PFKFB2: variants seen among roughly 807,000 people sequenced by gnomAD.
PFKFB2 encodes 6-phosphofructo-2-kinase/fructose-2,6-bisphosphatase 2.
A neutral mutation model predicts 68.0 loss-of-function variants in PFKFB2; 53 were observed. The observed-to-expected ratio is 0.78, with a 90% CI of 0.63 to 0.98. PFKFB2 has a LOEUF of 0.98. Among genes scored for constraint, PFKFB2 ranks in the 50% least tolerant of loss-of-function variants. The pLI, the probability that PFKFB2 is intolerant of heterozygous loss-of-function variation, is 0.00. For synonymous variants in PFKFB2, 222 were observed against 227.6 expected (o/e 0.98, Z 0.22); for missense variants, 451 against 642.0 (o/e 0.70, Z 3.22).
In PFKFB2 at chr1:207,063,714, T is replaced by C. The variant is rs1683188121; in HGVS notation, c.451-59T>C. ...CTGGGTGGGGTAGATGAGCATGTGC[T>C]CTTAATTAACAGCCTGGCATTTTTG... is the stretch of plus-strand genomic sequence containing the variant. On this transcript the variant is annotated intron_variant, in intron 6 of 14. Transcript: ENST00000367080. This position sits in a 1 kb window ranked among gnomAD's most constrained non-coding sequence, Gnocchi z 4.1. The C allele has an allele frequency of 7.1e-7, 1 of 1,402,058 alleles. No individual in the cohort carries two copies. Among genetic ancestry groups the C allele is most frequent in the African/African-American group, 1.4e-5 (1 of 70,902 alleles). 86.9% of individuals were successfully genotyped at this position (1,402,058 alleles called of 1,614,324 possible). A position where few individuals can be genotyped will look rare whatever the true frequency, so the allele number is the denominator to read the frequency against.
chr1:207,052,209 T>C (rs925669563), upstream of PFKFB2: 27 of 1,612,718 alleles, frequency 1.7e-5, no homozygotes, highest in Non-Finnish European at 2.1e-5. Flanking sequence ...ACTTTGCTTC[T>C]GAATAAATTA....
At chr1:207,042,392 C>T (rs564059836) in intron 2 of PFKFB2, among the ~76,000 whole-genome samples, 33 of 151,374 alleles carry the variant, frequency 2.2e-4, no homozygotes, top group Middle Eastern at 3.4e-3. Flanking sequence ...ACTAAAAATA[C>T]GAAAAATTAG....
Position 207,076,261 on chromosome 1 carries a change from T to C in PFKFB2, c.*3890T>C, listed in dbSNP as rs1683619977. 3.1e-6 allele frequency: 3 copies of C among 979,646 alleles called. No homozygotes were observed. The highest frequency in any genetic ancestry group is 2.4e-6 in the Non-Finnish European group (2 of 825,170). 60.7% of individuals were successfully genotyped at this position (979,646 alleles called of 1,614,324 possible). A position where few individuals can be genotyped will look rare whatever the true frequency, so the allele number is the denominator to read the frequency against. ...ATGTTACTTTTTTTTTCTTTTTTTT[T>C]TTTTTTTATGAGCAGGAGATCTTAA... On this transcript the variant is annotated 3_prime_UTR_variant, in exon 15 of 15. Coordinates refer to ENST00000367080, the MANE Select transcript of PFKFB2 (RefSeq NM_006212.2).
chr1:207,064,924 T>G, intron 7 of PFKFB2, 112 bp from the exon 8 acceptor site: 4 of 1,278,694 alleles, frequency 3.1e-6, no homozygotes, highest in Non-Finnish European at 4.3e-6. Context: ...AATGTTCCAG[T>G]GAAAGGCGAC....
At position 207,070,729 on chromosome 1, in the gene PFKFB2, G is replaced by A; in HGVS notation, c.1222+320G>A. On this transcript the variant is annotated intron_variant, in intron 12 of 14. Coordinates refer to ENST00000367080, the MANE Select transcript of PFKFB2 (RefSeq NM_006212.2). The surrounding 1 kb of genome is among the most constrained non-coding windows in gnomAD (Gnocchi z 4.2). ...TCCCAGCCTGCCACGCTGCCTACTA[G>A]GAGGGTGGTATCTTAGGAGCAGCAG... The A allele has an allele frequency of 3.1e-6, 1 of 317,716 alleles. No individual in the cohort carries two copies. The highest frequency in any genetic ancestry group is 6.0e-6 in the Non-Finnish European group (1 of 167,444). The allele number at this position is 317,716 out of a possible 1,614,324, so 19.7% of individuals were successfully genotyped here. A position where few individuals can be genotyped will look rare whatever the true frequency, so the allele number is the denominator to read the frequency against.
intron 2 of PFKFB2, chr1:207,045,267 AT>A (rs1291883926): frequency 2.0e-5 from 3 of 152,476 alleles, no homozygotes; most frequent in Non-Finnish European, 2.9e-5. Context: ...TTGTATAATA[AT>A]ACAAGATATT....
intron 1 of PFKFB2, among the ~76,000 whole-genome samples, chr1:207,041,379 C>T (rs1424476447): frequency 6.6e-6 from 1 of 152,068 alleles, no homozygotes; most frequent in African/African-American, 2.4e-5. Flanking sequence ...GCTATCCCTC[C>T]TCTTACACCC....
At position 207,074,382 on chromosome 1, in the gene PFKFB2, T is replaced by C. The variant is rs1683563147; in HGVS notation, c.*2011T>C. On this transcript the variant is annotated 3_prime_UTR_variant, in exon 15 of 15. Transcript: ENST00000367080. ...AGGTTCTAGTCCCATCTTTAACCCT[T>C]TACATTGCTGAGTGATGTGGAACAA... 2 of 985,248 alleles carry C rather than the reference T, an allele frequency of 2.0e-6. No homozygotes were observed. Among genetic ancestry groups the C allele is most frequent in the African/African-American group, 3.5e-5 (2 of 57,220 alleles). 61.0% of individuals were successfully genotyped at this position (985,248 alleles called of 1,614,324 possible).
chr1:207,056,249 A>G (rs1397141509), intron 2 of PFKFB2, among the ~76,000 whole-genome samples: 3 of 152,044 alleles, frequency 2.0e-5, no homozygotes, highest in South Asian at 4.2e-4. Flanking sequence ...TGAAATGTTT[A>G]TATTGAATCA....
chr1:207,069,650 G>A, intron 11 of PFKFB2, 122 bp downstream of exon 11: 1 of 639,502 alleles, frequency 1.6e-6, no homozygotes, highest in Non-Finnish European at 2.8e-6. Flanking sequence ...CCTTCCCTTG[G>A]GTCATTTTGG....
rs1410270613 is a variant in PFKFB2, at chr1:207,076,316, G to C, written c.*3945G>C. The C allele has an allele frequency of 3.1e-6, 3 of 983,590 alleles. No individual in the cohort carries two copies. The highest frequency in any genetic ancestry group is 3.5e-5 in the African/African-American group (2 of 56,884). 60.9% of individuals were successfully genotyped at this position (983,590 alleles called of 1,614,324 possible). On this transcript the variant is annotated 3_prime_UTR_variant, in exon 15 of 15. Transcript: ENST00000367080. ...CAGAAACTCATTGGTGGTTGGAGTG[G>C]CCAATGGGCACGGGAAAAAGTATCC...
At chr1:207,037,156 A>C (rs1339423684) in intron 1 of PFKFB2, among the ~76,000 whole-genome samples, 1 of 152,196 alleles carries the variant, frequency 6.6e-6, no homozygotes, top group Non-Finnish European at 1.5e-5. Flanking sequence ...AATGAACTCC[A>C]GTTTGCCAAA....
At chr1:207,035,254 A>G (rs1046217753) in intron 1 of PFKFB2, 1 of 964,314 alleles carries the variant, frequency 1.0e-6, no homozygotes, top group African/African-American at 1.8e-5. Flanking sequence ...CTTTCTCAGT[A>G]CAACCTCCCC....
Position 207,076,768 on chromosome 1 carries a change from A to G in PFKFB2, c.*4397A>G. On this transcript the variant is annotated 3_prime_UTR_variant, in exon 15 of 15. Transcript: ENST00000367080. ...GATCTGTTTGTCACTGACAGACTGT[A>G]GTAGTGTCTGTGTGCTGACTGATAG... 1 of 968,372 alleles carries G rather than the reference A, an allele frequency of 1.0e-6. No homozygotes were observed. The highest frequency in any genetic ancestry group is 1.9e-5 in the African/African-American group (1 of 53,834). 60.0% of individuals were successfully genotyped at this position (968,372 alleles called of 1,614,324 possible).
intron 1 of PFKFB2, among the ~76,000 whole-genome samples, chr1:207,041,959 C>T (rs768314198): frequency 6.6e-6 from 1 of 152,180 alleles, no homozygotes; most frequent in Non-Finnish European, 1.5e-5. Context: ...CAAAAGACTA[C>T]CTCCATTACT....
At chr1:207,035,787 C>T (rs1283839986) in intron 1 of PFKFB2, among the ~76,000 whole-genome samples, 15 of 152,240 alleles carry the variant, frequency 9.9e-5, no homozygotes, top group Non-Finnish European at 4.4e-5. Flanking sequence ...AGCTTACAAT[C>T]GTAACAGCAG....
chr1:207,039,547 G>T (rs746592028), intron 1 of PFKFB2, among the ~76,000 whole-genome samples: 1 of 152,078 alleles, frequency 6.6e-6, no homozygotes, highest in Non-Finnish European at 1.5e-5. Flanking sequence ...AATAAACCCT[G>T]ACAAATTCTT....
At chr1:207,078,447 C>T (rs1305654382), downstream of PFKFB2, among the ~76,000 whole-genome samples, 1 of 152,118 alleles carries the variant, frequency 6.6e-6, no homozygotes, top group Non-Finnish European at 1.5e-5. Flanking sequence ...AAGCACTGTT[C>T]TAGGGGAAAA....
At chr1:207,037,567 C>A (rs1317268475) in intron 1 of PFKFB2, among the ~76,000 whole-genome samples, 3 of 152,236 alleles carry the variant, frequency 2.0e-5, no homozygotes, top group Non-Finnish European at 4.4e-5. Flanking sequence ...TCTGCTTTCA[C>A]ATGATTCACA....
Sources: gnomAD v4.1 joint callset for allele counts (sites outside exome capture counted in the v4.1 genomes callset) on GRCh38, gnomAD v4.1.1 for gene constraint, Gnocchi (gnomAD v3.1) non-coding constraint, MANE v1.5 for transcripts, NCBI Gene and HGNC (gene_info 2026-07-23, HGNC 2026-07-21) for gene names.